The following NXPE2 variants were observed in gnomAD, a reference collection of about 807,000 sequenced individuals.
NXPE2 encodes the protein NXPE family member 2.
Under a neutral mutation model 34.4 loss-of-function variants are expected in NXPE2, and 34 were observed. That is an observed-to-expected ratio of 0.99 (90% CI 0.75 to 1.31). The LOEUF is 1.31. NXPE2 is among the 40% of genes most tolerant of loss of function. The pLI is 0.00. For synonymous variants in NXPE2, 235 were observed against 231.3 expected (o/e 1.02, Z -0.15); for missense variants, 649 against 672.5 (o/e 0.97, Z 0.39).
At chr11:114,580,079 T>G in the NXPE2 span, 1 of 1,437,790 alleles carries the variant, frequency 7.0e-7, no homozygotes, top group Non-Finnish European at 9.8e-7. Context: ...CCCTTTGAAA[T>G]GGAAAAGAAG....
At chr11:114,632,663 ATAG>A in the NXPE2 span, among the ~76,000 whole-genome samples, 1 of 86,302 alleles carries the variant, frequency 1.2e-5, no homozygotes, top group East Asian at 2.9e-4. Context: ...AAATAAATAT[ATAG>A]TATATATATT....
At chr11:114,489,914 C>A in the NXPE2 span, among the ~76,000 whole-genome samples, 38,710 of 151,906 alleles carry the variant, frequency 0.25, 5,079 homozygotes, top group East Asian at 0.37. Context: ...GAGGAAGTCA[C>A]ATTGTCCCTG....
the NXPE2 span, among the ~76,000 whole-genome samples, chr11:114,660,882 G>C: frequency 6.6e-6 from 1 of 152,092 alleles, no homozygotes; most frequent in Non-Finnish European, 1.5e-5. Context: ...GAACTATTTA[G>C]TGTCAGCAAG....
the NXPE2 span, among the ~76,000 whole-genome samples, chr11:114,505,417 A>G: frequency 6.6e-6 from 1 of 152,146 alleles, no homozygotes; most frequent in Non-Finnish European, 1.5e-5. Flanking sequence ...CCCAAGACAT[A>G]TGATCATCAG....
chr11:114,597,082 A>G, the NXPE2 span, among the ~76,000 whole-genome samples: 1 of 147,442 alleles, frequency 6.8e-6, no homozygotes, highest in Non-Finnish European at 1.5e-5. Context: ...AAGTCTTTAT[A>G]CCATGTGTGA....
chr11:114,784,898 G>C, the NXPE2 span, among the ~76,000 whole-genome samples: 1 of 152,120 alleles, frequency 6.6e-6, no homozygotes, highest in Non-Finnish European at 1.5e-5. Flanking sequence ...TATTGTTTTG[G>C]GGGTGGGGAA....
the NXPE2 span, among the ~76,000 whole-genome samples, chr11:114,803,871 C>A: frequency 6.6e-6 from 1 of 151,920 alleles, no homozygotes; most frequent in African/African-American, 2.4e-5. Context: ...AGCCACCATG[C>A]CCGCCCCCCT....
chr11:114,767,971 A>G, the NXPE2 span, among the ~76,000 whole-genome samples: 8 of 152,170 alleles, frequency 5.3e-5, no homozygotes, highest in Admixed American at 1.3e-4. Flanking sequence ...TAAAGTGGAC[A>G]TAATAATAGT....
the NXPE2 span, among the ~76,000 whole-genome samples, chr11:114,735,444 G>A: frequency 1.8e-4 from 28 of 152,206 alleles, no homozygotes; most frequent in Admixed American, 5.2e-4. Context: ...CTAGCTATGA[G>A]AATGTGGGCA....
chr11:114,598,041 G>C, the NXPE2 span, among the ~76,000 whole-genome samples: 1 of 152,042 alleles, frequency 6.6e-6, no homozygotes. Context: ...AATCAAGTTA[G>C]TTACTTCCAA....
chr11:114,767,942 G>A, the NXPE2 span, among the ~76,000 whole-genome samples: 4 of 152,158 alleles, frequency 2.6e-5, no homozygotes, highest in South Asian at 4.1e-4. Context: ...AATCTCCTAA[G>A]CTTCAATGTT....
chr11:114,688,185 GT>G (rs1268615561), intron 2 of NXPE2, among the ~76,000 whole-genome samples: 1 of 152,020 alleles, frequency 6.6e-6, no homozygotes, highest in Admixed American at 6.6e-5. Context: ...AATGCTTCCA[GT>G]TTTTGCCTGT....
At chr11:114,754,079 G>A in the NXPE2 span, among the ~76,000 whole-genome samples, 1 of 152,138 alleles carries the variant, frequency 6.6e-6, no homozygotes, top group African/African-American at 2.4e-5. Flanking sequence ...AAATGATAAT[G>A]ATGATTATGG....
the NXPE2 span, among the ~76,000 whole-genome samples, chr11:114,611,526 C>G: frequency 1.0e-3 from 154 of 151,816 alleles, 1 homozygote; most frequent in Admixed American, 8.3e-3. Flanking sequence ...ACCACTGTTA[C>G]CCGGTTTATA....
the NXPE2 span, among the ~76,000 whole-genome samples, chr11:114,811,037 G>T: frequency 6.6e-6 from 1 of 152,030 alleles, no homozygotes; most frequent in Non-Finnish European, 1.5e-5. Context: ...CCTTTGTAGG[G>T]ACATGGATGA....
At chr11:114,735,813 T>A in the NXPE2 span, among the ~76,000 whole-genome samples, 1 of 152,192 alleles carries the variant, frequency 6.6e-6, no homozygotes, top group Admixed American at 6.5e-5. Context: ...TGTTCCTACA[T>A]GGGCACCATC....
the NXPE2 span, among the ~76,000 whole-genome samples, chr11:114,712,965 A>G: frequency 6.6e-6 from 1 of 152,206 alleles, no homozygotes; most frequent in Non-Finnish European, 1.5e-5. Context: ...GAAGGAAATC[A>G]TGTCACATAC....
the NXPE2 span, among the ~76,000 whole-genome samples, chr11:114,505,455 A>C: frequency 6.6e-6 from 1 of 152,122 alleles, no homozygotes; most frequent in Non-Finnish European, 1.5e-5. Flanking sequence ...TGACAGAAAA[A>C]ATGTTAAAGG....
At chr11:114,530,761 G>A in the NXPE2 span, 3 of 1,614,090 alleles carry the variant, frequency 1.9e-6, no homozygotes, top group East Asian at 6.7e-5. Flanking sequence ...GGTGGGATCT[G>A]CTGATCTAGT....
Sources: allele counts gnomAD v4.1 joint callset (sites outside exome capture counted in the v4.1 genomes callset), GRCh38; gene constraint gnomAD v4.1.1; transcripts MANE v1.5; gene names NCBI Gene and HGNC (gene_info 2026-07-23, HGNC 2026-07-21).